Variants in ATP7B observed in about 807,000 individuals in gnomAD.
ATP7B encodes the protein copper-transporting ATPase 2.
Under a neutral mutation model 118.9 loss-of-function variants are expected in ATP7B, and 113 were observed. The observed-to-expected ratio is 0.95, with a 90% CI of 0.82 to 1.11. The LOEUF (loss-of-function observed/expected upper bound fraction) is 1.11. ATP7B is among the 50% of genes most tolerant of loss of function. ATP7B has a pLI of 0.00. For synonymous variants in ATP7B, 777 were observed against 727.4 expected (o/e 1.07, Z -1.10); for missense variants, 1,867 against 1,871.4 (o/e 1.00, Z 0.04).
Position 51,940,827 on chromosome 13 carries a change from T to C in ATP7B, c.3556+254A>G, listed in dbSNP as rs114578653. On this transcript the variant is annotated intron_variant, in intron 16 of 20. Transcript: ENST00000242839. ...CCCACCTGGACAAGAGCAATGATGA[T>C]GACACAGACAGTTTAGAATTCCAAG... Among the ~76,000 whole-genome samples the C allele has an allele frequency of 5.5e-3, 835 of 152,094 alleles. 8 individuals are homozygous for C. Among genetic ancestry groups the C allele is most frequent in the African/African-American group, 0.019 (798 of 41,464 alleles).
chr13:51,942,067 G>C (rs181351678), intron 15 of ATP7B, among the ~76,000 whole-genome samples: 33 of 152,310 alleles, frequency 2.2e-4, no homozygotes, highest in Admixed American at 2.2e-3. Flanking sequence ...ATGGAAACAG[G>C]AAGAACGAAA....
chr13:52,009,486 T>G (rs556881129), intron 1 of ATP7B, among the ~76,000 whole-genome samples: 2 of 152,340 alleles, frequency 1.3e-5, no homozygotes, highest in African/African-American at 4.8e-5. Context: ...AACCATAACC[T>G]GTTTTTGGCC....
At chr13:52,012,067 C>T (rs915867966), upstream of ATP7B, 1 of 480,314 alleles carries the variant, frequency 2.1e-6, no homozygotes, top group African/African-American at 1.9e-5. Flanking sequence ...TGGCCTCCAA[C>T]GGGCGGCGGG....
intron 3 of ATP7B, among the ~76,000 whole-genome samples, chr13:51,968,834 T>A (rs1951698807): frequency 6.6e-6 from 1 of 151,532 alleles, no homozygotes; most frequent in South Asian, 2.1e-4. Context: ...TATCCCAGGG[T>A]AGGTGGCAGG....
chr13:51,954,005 C>T (rs892036682), intron 9 of ATP7B, among the ~76,000 whole-genome samples: 8 of 152,280 alleles, frequency 5.3e-5, no homozygotes, highest in African/African-American at 1.4e-4. Context: ...TCTCAGCACC[C>T]GCCATGTTTA....
At chr13:51,969,013 A>T (rs1951711639) in intron 3 of ATP7B, among the ~76,000 whole-genome samples, 2 of 151,452 alleles carry the variant, frequency 1.3e-5, no homozygotes, top group South Asian at 4.2e-4. Flanking sequence ...GGTGCGTGCC[A>T]CCATGCCCAG....
chr13:51,956,378 G>C (rs913135462), intron 9 of ATP7B, among the ~76,000 whole-genome samples: 3 of 152,224 alleles, frequency 2.0e-5, no homozygotes, highest in Non-Finnish European at 4.4e-5. Flanking sequence ...CATCAACAGT[G>C]TGATACATGG....
intron 1 of ATP7B, 136 bp from the exon 2 acceptor site, chr13:51,975,304 T>A: frequency 8.3e-7 from 1 of 1,201,712 alleles, no homozygotes; most frequent in Admixed American, 1.7e-5. Context: ...GAACATAACA[T>A]ACACAGAAAG....
intron 9 of ATP7B, among the ~76,000 whole-genome samples, chr13:51,954,048 G>A (rs1036528941): frequency 6.6e-6 from 1 of 152,166 alleles, no homozygotes; most frequent in African/African-American, 2.4e-5. Context: ...AGAGTGTTCT[G>A]AGAGCACTGA....
In ATP7B at chr13:51,964,883, T is replaced by C; in HGVS notation, c.1858A>G (p.Lys620Glu). The C allele has an allele frequency of 1.2e-6, 2 of 1,614,236 alleles. No individual in the cohort carries two copies. Among genetic ancestry groups the C allele is most frequent in the Non-Finnish European group, 1.7e-6 (2 of 1,180,036 alleles). ...AATGAATTACTTACCTCAATAATTTTGATAATATCCCGTGGACCGATAATT... is the reference window on the plus strand; with the variant it reads ...AATGAATTACTTACCTCAATAATTTCGATAATATCCCGTGGACCGATAATT... ...PEIIGPRDIIKIIEEIGFHAS... is the reference protein window; with the variant it reads ...PEIIGPRDIIEIIEEIGFHAS... The change falls in exon 5 of 21, where the codon AAA becomes GAA. Residue 620 changes from lysine (K) to glutamate (E), a missense_variant. Coordinates refer to ENST00000242839, the MANE Select transcript of ATP7B (RefSeq NM_000053.4).
chr13:51,975,163 T>C lies in ATP7B; in HGVS notation c.57A>G (p.Leu19=). ...CACGGGTAGGCAAAGAAAGCTTAGA[T>C]AAGATCTAAAAAGAAAAGAAATAAC... is the stretch of plus-strand genomic sequence containing the variant. ...TAREGASRKI[L]SKLSLPTRAW... Residue 19 remains leucine (L), a synonymous_variant, in exon 2 of 21, where the codon TTA becomes TTG. Coordinates refer to ENST00000242839, the MANE Select transcript of ATP7B (RefSeq NM_000053.4). 1 of 1,614,196 alleles carries C rather than the reference T, an allele frequency of 6.2e-7. No individual in the cohort carries two copies. The highest frequency in any genetic ancestry group is 1.1e-5 in the South Asian group (1 of 91,084).
intron 1 of ATP7B, among the ~76,000 whole-genome samples, chr13:52,009,110 A>G (rs1953908706): frequency 6.6e-6 from 1 of 152,130 alleles, no homozygotes; most frequent in African/African-American, 2.4e-5. Context: ...TCCTGGACCC[A>G]AACTGCTTTA....
intron 1 of ATP7B, among the ~76,000 whole-genome samples, chr13:51,987,660 C>T (rs569696076): frequency 1.3e-5 from 2 of 152,306 alleles, no homozygotes; most frequent in East Asian, 1.9e-4. Flanking sequence ...TAACTTCAAA[C>T]TATACTACAA....
At chr13:51,966,669 G>C in intron 4 of ATP7B, 3 of 1,236,520 alleles carry the variant, frequency 2.4e-6, no homozygotes, top group East Asian at 5.1e-5. Context: ...TTTAAAAAAA[G>C]AACACTACAG....
At chr13:51,968,414 G>A in intron 4 of ATP7B, 30 bp downstream of exon 4, 2 of 1,614,138 alleles carry the variant, frequency 1.2e-6, no homozygotes, top group Non-Finnish European at 1.7e-6. Context: ...TCAGAAGCCT[G>A]TAACCCCGTA....
chr13:51,939,896 A>T (rs1957218147), intron 16 of ATP7B, among the ~76,000 whole-genome samples: 1 of 151,726 alleles, frequency 6.6e-6, no homozygotes, highest in African/African-American at 2.4e-5. Flanking sequence ...GCTTGCATAT[A>T]CTGTTACTTC....
chr13:52,000,904 C>A (rs1953464313), intron 1 of ATP7B, among the ~76,000 whole-genome samples: 1 of 152,130 alleles, frequency 6.6e-6, no homozygotes, highest in Non-Finnish European at 1.5e-5. Flanking sequence ...CTTGTAGTCC[C>A]AGCTACTCAG....
intron 17 of ATP7B, among the ~76,000 whole-genome samples, chr13:51,938,748 A>T (rs553018872): frequency 9.8e-5 from 15 of 152,332 alleles, no homozygotes; most frequent in Non-Finnish European, 2.1e-4. Flanking sequence ...GAAAATGTCT[A>T]TCTCAGCCCT....
rs758355520 is a variant in ATP7B, at chr13:51,937,561, G to A, written c.3818C>T (p.Pro1273Leu). The A allele has an allele frequency of 1.3e-5, 21 of 1,614,082 alleles. No individual in the cohort carries two copies. The highest frequency in any genetic ancestry group is 9.3e-5 in the African/African-American group (7 of 74,934). ...AMVGDGVNDS[P>L]ALAQADMGVA... Reference sequence around the variant, plus strand: ...ACCCATGTCTGCCTGGGCCAAGGCCGGGGAGTCATTGACCCCATCCCCCAC... The same window carrying A: ...ACCCATGTCTGCCTGGGCCAAGGCCAGGGAGTCATTGACCCCATCCCCCAC... Residue 1273 changes from proline (P) to leucine (L), a missense_variant, in exon 18 of 21, where the codon CCG (proline) becomes CTG (leucine). Physicochemically the swap from Pro to Leu is moderately conservative, Grantham distance 98 (BLOSUM62 -3). Coordinates refer to ENST00000242839, the MANE Select transcript of ATP7B (RefSeq NM_000053.4).
Sources: gnomAD v4.1 joint callset for allele counts (sites outside exome capture counted in the v4.1 genomes callset) on GRCh38, gnomAD v4.1.1 for gene constraint, MANE v1.5 for transcripts, NCBI Gene and HGNC (gene_info 2026-07-23, HGNC 2026-07-21) for gene names.